FTCDNL1: variants seen among roughly 807,000 people sequenced by gnomAD.
The protein encoded by FTCDNL1 is formiminotransferase N-terminal subdomain-containing protein.
In FTCDNL1, 11 loss-of-function variants were observed where a neutral mutation model predicts 5.9. The observed-to-expected ratio is 1.87, with a 90% confidence interval of 1.18 to 3.10. The LOEUF (loss-of-function observed/expected upper bound fraction) is 3.10, where lower values mean the gene tolerates loss of function less well. Among genes scored for constraint, FTCDNL1 ranks in the 30% most tolerant of loss-of-function variants. The pLI is 0.00. For synonymous variants in FTCDNL1, 58 were observed against 24.8 expected (o/e 2.34, Z -3.99); for missense variants, 115 against 65.5 (o/e 1.76, Z -2.61).
intron 4 of FTCDNL1, among the ~76,000 whole-genome samples, chr2:199,815,602 C>T (rs946893068): frequency 6.6e-6 from 1 of 152,032 alleles, no homozygotes; most frequent in Non-Finnish European, 1.5e-5. Context: ...AGGGAAATCG[C>T]TATTGTTGGG....
Position 199,804,022 on chromosome 2 carries a change from CT to C in FTCDNL1, c.211+42052del. Among the ~76,000 whole-genome samples, 6 of 152,236 alleles carry C rather than the reference CT, an allele frequency of 3.9e-5. No homozygotes were observed. The Middle Eastern group carries it at 0.014, about 345-fold the overall frequency. The stretch of plus-strand genomic sequence containing the variant: ...TCCCATATCTTGCTATTTTATCTTC[CT>C]TTTATCTTTGTGAAATAACAAAGTG... On this transcript the variant is annotated intron_variant, in intron 3 of 3. Coordinates refer to the FTCDNL1 transcript ENST00000416668.
chr2:199,826,556 A>G (rs1702049662), intron 3 of FTCDNL1, among the ~76,000 whole-genome samples: 2 of 150,112 alleles, frequency 1.3e-5, no homozygotes, highest in East Asian at 3.9e-4. Context: ...GCACTTTGGG[A>G]GGCTGAAGCA....
intron 3 of FTCDNL1, among the ~76,000 whole-genome samples, chr2:199,762,625 T>A (rs910674749): frequency 1.3e-5 from 2 of 152,190 alleles, no homozygotes; most frequent in African/African-American, 4.8e-5. Context: ...AAATAAATAA[T>A]TCATTTATGA....
intron 3 of FTCDNL1, among the ~76,000 whole-genome samples, chr2:199,831,397 A>T (rs1044260905): frequency 6.6e-6 from 1 of 152,188 alleles, no homozygotes; most frequent in African/African-American, 2.4e-5. Context: ...TCATTATTTG[A>T]TCTAGGAAAA....
the FTCDNL1 span, among the ~76,000 whole-genome samples, chr2:199,670,726 A>G: frequency 6.6e-6 from 1 of 152,122 alleles, no homozygotes; most frequent in Non-Finnish European, 1.5e-5. Flanking sequence ...GTGGCCTAGT[A>G]TCAGGCAAAG....
chr2:199,674,928 C>T, the FTCDNL1 span, among the ~76,000 whole-genome samples: 2 of 152,170 alleles, frequency 1.3e-5, no homozygotes, highest in African/African-American at 4.8e-5. Context: ...AAGGAGCTGA[C>T]TTCCCAGAAA....
At chr2:199,706,606 T>C in the FTCDNL1 span, among the ~76,000 whole-genome samples, 5 of 152,210 alleles carry the variant, frequency 3.3e-5, no homozygotes, top group Non-Finnish European at 7.4e-5. Context: ...AGACGTCTTA[T>C]CTTCCAAACT....
chr2:199,777,190 G>C (rs77687979), intron 3 of FTCDNL1, among the ~76,000 whole-genome samples: 7,060 of 152,118 alleles, frequency 0.046, 386 homozygotes, highest in Admixed American at 0.13. Context: ...CTACGTGGGA[G>C]GCTGAGGCAG....
At chr2:199,776,958 A>ATGTGTGTGTGTGTGTGTGTG (rs56145074) in intron 3 of FTCDNL1, among the ~76,000 whole-genome samples, 1 of 136,140 alleles carries the variant, frequency 7.3e-6, no homozygotes, top group Non-Finnish European at 1.6e-5. Context: ...ATGTGTGTAT[A>ATGTGTGTGTGTGTGTGTGTG]TGTGTGTGTG....
At chr2:199,791,241 A>G (rs556856920) in intron 3 of FTCDNL1, among the ~76,000 whole-genome samples, 1 of 152,118 alleles carries the variant, frequency 6.6e-6, no homozygotes, top group Non-Finnish European at 1.5e-5. Flanking sequence ...AATTTAAAAG[A>G]TATCATTTGT....
At chr2:199,832,244 C>A (rs2106582650) in intron 3 of FTCDNL1, among the ~76,000 whole-genome samples, 1 of 152,180 alleles carries the variant, frequency 6.6e-6, no homozygotes, top group Admixed American at 6.5e-5. Flanking sequence ...TCCTGAGTGG[C>A]CTAACATATT....
chr2:199,816,980 A>G (rs1435831260), intron 4 of FTCDNL1, among the ~76,000 whole-genome samples: 1 of 152,256 alleles, frequency 6.6e-6, no homozygotes, highest in Non-Finnish European at 1.5e-5. Context: ...AGCACATAGT[A>G]GGTACTTAAT....
chr2:199,758,674 G>C (rs540457773), downstream of FTCDNL1, among the ~76,000 whole-genome samples: 1 of 152,146 alleles, frequency 6.6e-6, no homozygotes, highest in Non-Finnish European at 1.5e-5. Context: ...CATAACAGCT[G>C]CACAACTCAA....
At chr2:199,806,566 C>T (rs1041303642), downstream of FTCDNL1, among the ~76,000 whole-genome samples, 9 of 152,152 alleles carry the variant, frequency 5.9e-5, no homozygotes, top group South Asian at 2.1e-4. Flanking sequence ...TGACCACGGA[C>T]GCCACTTCCA....
the FTCDNL1 span, among the ~76,000 whole-genome samples, chr2:199,677,293 C>T: frequency 3.9e-5 from 6 of 152,202 alleles, no homozygotes; most frequent in African/African-American, 1.4e-4. Context: ...AGGCAGACCC[C>T]TGCCACACAG....
Position 199,819,768 on chromosome 2 carries a change from G to A in FTCDNL1, c.212-11C>T. ...GATCCTCAGCAAGGCCTGTGGCAGA[G>A]GGAATTTTAACCAAAGAAAATCACA... On this transcript the variant is annotated splice_polypyrimidine_tract_variant and intron_variant, in intron 3 of 4. Transcript: ENST00000420128. 1.5e-6 allele frequency: 1 copy of A among 684,518 alleles called. No homozygotes were observed. The highest frequency in any genetic ancestry group is 2.7e-6 in the Non-Finnish European group (1 of 375,484). 42.4% of individuals were successfully genotyped at this position (684,518 alleles called of 1,614,324 possible). A position where few individuals can be genotyped will look rare whatever the true frequency, so the allele number is the denominator to read the frequency against.
the FTCDNL1 span, among the ~76,000 whole-genome samples, chr2:199,727,569 T>C: frequency 6.6e-6 from 1 of 152,116 alleles, no homozygotes; most frequent in Non-Finnish European, 1.5e-5. Flanking sequence ...ACCCTACTTT[T>C]CCTCACTTTC....
the FTCDNL1 span, among the ~76,000 whole-genome samples, chr2:199,711,148 G>C: frequency 6.6e-6 from 1 of 152,082 alleles, no homozygotes; most frequent in Admixed American, 6.6e-5. Flanking sequence ...TGAATACAGA[G>C]TGCCAAAATG....
chr2:199,742,687 G>A, the FTCDNL1 span, among the ~76,000 whole-genome samples: 1 of 152,104 alleles, frequency 6.6e-6, no homozygotes, highest in Non-Finnish European at 1.5e-5. Flanking sequence ...GAGGAAATCA[G>A]GCACATAGAA....
Sources: gnomAD v4.1 joint callset for allele counts (sites outside exome capture counted in the v4.1 genomes callset) on GRCh38, gnomAD v4.1.1 for gene constraint, MANE v1.5 for transcripts, NCBI Gene and HGNC (gene_info 2026-07-23, HGNC 2026-07-21) for gene names.